DDO: variants seen among roughly 807,000 people sequenced by gnomAD.
The protein encoded by DDO is D-aspartate oxidase.
In DDO, 16 loss-of-function variants were observed where a neutral mutation model predicts 16.8. That is an observed-to-expected ratio of 0.95 (90% CI 0.65 to 1.45). DDO has a LOEUF of 1.45. Ranked by LOEUF, DDO falls within the 40% of genes most tolerant of loss-of-function variation. The pLI, the probability that DDO is intolerant of heterozygous loss-of-function variation, is 0.00. For missense variants in DDO, 429 were observed against 420.3 expected (o/e 1.02, Z -0.18); for synonymous variants, 180 against 167.2 (o/e 1.08, Z -0.59).
intron 2 of DDO, among the ~76,000 whole-genome samples, chr6:110,409,077 G>C (rs950431148): frequency 7.9e-5 from 12 of 152,238 alleles, no homozygotes; most frequent in African/African-American, 2.9e-4. Context: ...TCAGGTGCCA[G>C]CCAGAGTAGC....
chr6:110,406,309 A>T (rs1350971880), intron 3 of DDO, among the ~76,000 whole-genome samples: 1 of 151,986 alleles, frequency 6.6e-6, no homozygotes, highest in Non-Finnish European at 1.5e-5. Context: ...ACACACACAC[A>T]TCCACTCTTT....
intron 2 of DDO, among the ~76,000 whole-genome samples, chr6:110,413,073 G>A (rs1019760638): frequency 6.6e-5 from 10 of 152,106 alleles, no homozygotes. Flanking sequence ...AGCCTGGGAG[G>A]TTGAGGCTGC....
intron 2 of DDO, among the ~76,000 whole-genome samples, chr6:110,410,748 C>A (rs1378141618): frequency 6.6e-6 from 1 of 152,116 alleles, no homozygotes; most frequent in South Asian, 2.1e-4. Context: ...TCCCACGACA[C>A]GTAGGGATTA....
chr6:110,393,276 G>C lies in DDO; in HGVS notation c.525C>G (p.Ser175=). The change falls in exon 5 of 5, where the codon TCC becomes TCG. Residue 175 remains serine, a synonymous_variant. Transcript: ENST00000368924. ...CTGAACAGTTGACCACGATGTCAAAGGACGGATGAAGTTCCCACAGGTCTT... is the reference window on the plus strand; with the variant it reads ...CTGAACAGTTGACCACGATGTCAAACGACGGATGAAGTTCCCACAGGTCTT... ...RIEDLWELHP[S]FDIVVNCSGL... 1 of 1,613,828 alleles carries C rather than the reference G, an allele frequency of 6.2e-7. No individual in the cohort carries two copies. Among genetic ancestry groups the C allele is most frequent in the Non-Finnish European group, 8.5e-7 (1 of 1,179,730 alleles).
chr6:110,406,081 G>A (rs530867476), intron 3 of DDO, among the ~76,000 whole-genome samples: 16 of 152,166 alleles, frequency 1.1e-4, no homozygotes, highest in South Asian at 6.2e-4. Flanking sequence ...CCACTCTTGC[G>A]CTGGGCTAGC....
At chr6:110,412,861 C>T (rs9481064) in intron 2 of DDO, among the ~76,000 whole-genome samples, 12,585 of 152,192 alleles carry the variant, frequency 0.083, 531 homozygotes, top group Middle Eastern at 0.11. Context: ...GTTAAAACCG[C>T]ACATTATGGC....
At chr6:110,413,036 G>A (rs186209763) in intron 2 of DDO, among the ~76,000 whole-genome samples, 15 of 152,230 alleles carry the variant, frequency 9.9e-5, no homozygotes, top group East Asian at 1.9e-4. Context: ...CCAGGTACAC[G>A]AAAGGCTGAG....
chr6:110,388,853 G>A, downstream of DDO: 1 of 965,852 alleles, frequency 1.0e-6, no homozygotes, highest in Middle Eastern at 5.3e-4. Context: ...AAACAAGAAA[G>A]AAAAAATAAA....
chr6:110,400,749 A>G (rs896495202), intron 4 of DDO, among the ~76,000 whole-genome samples: 12 of 152,362 alleles, frequency 7.9e-5, no homozygotes, highest in African/African-American at 2.6e-4. Context: ...AACGCTTCAC[A>G]CCGCCTTCCC....
chr6:110,407,512 A>G (rs1327291122), intron 3 of DDO, among the ~76,000 whole-genome samples: 1 of 152,212 alleles, frequency 6.6e-6, no homozygotes, highest in African/African-American at 2.4e-5. Context: ...GGGCAGCCTG[A>G]CATCAAAAGA....
chr6:110,401,683 G>A (rs1212615141), intron 4 of DDO, among the ~76,000 whole-genome samples: 3 of 152,088 alleles, frequency 2.0e-5, no homozygotes, highest in African/African-American at 7.2e-5. Flanking sequence ...CTATATAGAT[G>A]GAGTTATAAA....
intron 4 of DDO, 123 bp downstream of exon 4, chr6:110,404,651 G>T: frequency 2.0e-6 from 2 of 1,019,854 alleles, no homozygotes; most frequent in Non-Finnish European, 2.9e-6. Context: ...TTTGTGAGTG[G>T]CAAGGCAACG....
chr6:110,397,742 G>C (rs916222390), intron 4 of DDO, among the ~76,000 whole-genome samples: 2 of 152,200 alleles, frequency 1.3e-5, no homozygotes, highest in African/African-American at 4.8e-5. Flanking sequence ...GGCCTTGTCA[G>C]GCTTCCTGTG....
intron 4 of DDO, among the ~76,000 whole-genome samples, chr6:110,397,821 T>C (rs1439718365): frequency 1.3e-5 from 2 of 152,212 alleles, no homozygotes; most frequent in Admixed American, 6.5e-5. Context: ...TGGTCACCTT[T>C]ATGTTGTTGT....
chr6:110,402,268 G>A (rs1256536755), intron 4 of DDO, among the ~76,000 whole-genome samples: 1 of 152,184 alleles, frequency 6.6e-6, no homozygotes, highest in Admixed American at 6.5e-5. Flanking sequence ...ATATGAATAA[G>A]GTCCATAGAT....
intron 4 of DDO, among the ~76,000 whole-genome samples, chr6:110,398,683 C>G (rs1187534891): frequency 6.6e-6 from 1 of 152,146 alleles, no homozygotes; most frequent in African/African-American, 2.4e-5. Flanking sequence ...CAGTTTCTTT[C>G]ACAGGCATTG....
chr6:110,402,531 G>A (rs1773516300), intron 4 of DDO, among the ~76,000 whole-genome samples: 1 of 152,060 alleles, frequency 6.6e-6, no homozygotes, highest in Non-Finnish European at 1.5e-5. Flanking sequence ...TGGGCGTGGT[G>A]GCAGGCACCT....
intron 2 of DDO, among the ~76,000 whole-genome samples, chr6:110,411,997 T>G (rs1026592622): frequency 2.0e-5 from 3 of 152,188 alleles, no homozygotes; most frequent in Non-Finnish European, 4.4e-5. Context: ...ATTACAGGTG[T>G]GAGCCACCAT....
At chr6:110,413,152 GAA>G (rs1311589075) in intron 2 of DDO, 137 bp downstream of exon 2, 2 of 1,010,878 alleles carry the variant, frequency 2.0e-6, no homozygotes, top group African/African-American at 3.3e-5. Flanking sequence ...CAAAAAAAGA[GAA>G]AAAGAGGAAA....
Sources: allele counts gnomAD v4.1 joint callset (sites outside exome capture counted in the v4.1 genomes callset), GRCh38; gene constraint gnomAD v4.1.1; transcripts MANE v1.5; gene names NCBI Gene and HGNC (gene_info 2026-07-23, HGNC 2026-07-21).